CDH18: variants seen among roughly 807,000 people sequenced by gnomAD.
The protein encoded by CDH18 is cadherin 18, also known as cadherin-18.
Under a neutral mutation model 67.9 loss-of-function variants are expected in CDH18, and 31 were observed. That is an observed-to-expected ratio of 0.46 (90% CI 0.34 to 0.62). The LOEUF is 0.62. Ranked by LOEUF, CDH18 falls within the 20% of genes least tolerant of loss-of-function variation. CDH18 has a pLI of 0.01. For missense variants in CDH18, 890 were observed against 975.5 expected (o/e 0.91, Z 1.17); for synonymous variants, 362 against 347.2 (o/e 1.04, Z -0.48).
chr5:20,102,813 A>C (rs1198803718), intron 2 of CDH18, among the ~76,000 whole-genome samples: 2 of 152,112 alleles, frequency 1.3e-5, no homozygotes, highest in African/African-American at 4.8e-5. Context: ...AAATTCTTTA[A>C]TTTAGCTGAA....
At chr5:20,319,189 C>A (rs948083494) in intron 1 of CDH18, among the ~76,000 whole-genome samples, 2 of 152,134 alleles carry the variant, frequency 1.3e-5, no homozygotes, top group African/African-American at 4.8e-5. Context: ...CTAGAGATCC[C>A]CAATTATTTC....
intron 2 of CDH18, among the ~76,000 whole-genome samples, chr5:20,228,779 C>A (rs1025382482): frequency 2.0e-5 from 3 of 152,090 alleles, no homozygotes; most frequent in Admixed American, 1.3e-4. Flanking sequence ...TATGTTGCCA[C>A]AAATGACAGG....
chr5:20,454,928 A>G (rs1750732197), intron 1 of CDH18, among the ~76,000 whole-genome samples: 1 of 152,104 alleles, frequency 6.6e-6, no homozygotes, highest in African/African-American at 2.4e-5. Context: ...TGCTGAGGAC[A>G]TATGATGGTA....
intron 8 of CDH18, among the ~76,000 whole-genome samples, chr5:19,556,898 G>A (rs973486555): frequency 2.6e-5 from 4 of 152,072 alleles, no homozygotes; most frequent in Admixed American, 2.6e-4. Context: ...AAAAACACCA[G>A]GTAATCTATA....
chr5:19,630,489 T>C (rs1752269620), intron 5 of CDH18, among the ~76,000 whole-genome samples: 1 of 152,132 alleles, frequency 6.6e-6, no homozygotes. Flanking sequence ...TGTGTGTGTG[T>C]GTGTGTTGTT....
In CDH18 at chr5:19,811,194, A is replaced by AGAAG. The variant is rs150881407; in HGVS notation, c.228+27561_228+27564dup. Among the ~76,000 whole-genome samples the AGAAG allele has an allele frequency of 5.0e-4, 64 of 127,590 alleles. 1 individual carries two copies. Among genetic ancestry groups the AGAAG allele is most frequent in the Admixed American group, 1.0e-3 (13 of 12,858 alleles). 83.7% of individuals were successfully genotyped at this position (127,590 alleles called of 152,430 possible). A position where few individuals can be genotyped will look rare whatever the true frequency, so the allele number is the denominator to read the frequency against. ...AGAAAGAGAAGAAAGAGGGAGAGAA[A>AGAAG]GAAGGAAGGAAGGAAGGAAGGAAAG... is the stretch of plus-strand genomic sequence containing the variant. On this transcript the variant is annotated intron_variant, in intron 3 of 12. Transcript: ENST00000382275.
intron 2 of CDH18, among the ~76,000 whole-genome samples, chr5:20,105,784 T>C (rs902166268): frequency 6.6e-6 from 1 of 152,242 alleles, no homozygotes; most frequent in Non-Finnish European, 1.5e-5. Flanking sequence ...TTCCATTGTA[T>C]GCATATGCTA....
intron 5 of CDH18, among the ~76,000 whole-genome samples, chr5:19,668,435 G>A (rs528033901): frequency 6.6e-6 from 1 of 151,994 alleles, no homozygotes; most frequent in African/African-American, 2.4e-5. Context: ...AAGTTTCTCT[G>A]TTTTAGGGCA....
At chr5:19,670,903 C>T (rs1189609022) in intron 5 of CDH18, among the ~76,000 whole-genome samples, 1 of 152,002 alleles carries the variant, frequency 6.6e-6, no homozygotes, top group African/African-American at 2.4e-5. Context: ...AAGGAAAAGT[C>T]TAGAAGAATG....
intron 2 of CDH18, among the ~76,000 whole-genome samples, chr5:19,916,473 G>A (rs2150153062): frequency 6.6e-6 from 1 of 152,080 alleles, no homozygotes; most frequent in East Asian, 1.9e-4. Flanking sequence ...CACACCAAAA[G>A]CCAACTTCAT....
chr5:19,593,522 A>G (rs995425653), intron 6 of CDH18, among the ~76,000 whole-genome samples: 4 of 151,236 alleles, frequency 2.6e-5, no homozygotes, highest in Admixed American at 2.6e-4. Context: ...GTTATTGATC[A>G]TTTTTTTCCT....
intron 9 of CDH18, among the ~76,000 whole-genome samples, chr5:19,532,066 C>T (rs903302617): frequency 6.6e-6 from 1 of 152,134 alleles, no homozygotes; most frequent in Non-Finnish European, 1.5e-5. Flanking sequence ...GGTAATTTTA[C>T]TATGTAAATT....
At chr5:19,856,712 A>AT (rs1784322926) in intron 2 of CDH18, among the ~76,000 whole-genome samples, 2 of 151,130 alleles carry the variant, frequency 1.3e-5, no homozygotes, top group Non-Finnish European at 3.0e-5. Flanking sequence ...AGCAAAAAAA[A>AT]AAATAAAAAT....
chr5:19,678,747 C>A lies in CDH18; in HGVS notation c.643+42600G>T, dbSNP rs912166643. On this transcript the variant is annotated intron_variant, in intron 5 of 12. Transcript: ENST00000382275. ...AAACCTACAACCTCCCAAGACTCGA[C>A]CAGGAAGAAATTAAATCCCTGACCA... Among the ~76,000 whole-genome samples the A allele has an allele frequency of 6.6e-5, 10 of 151,820 alleles. No homozygotes were observed. The Admixed American group carries it at 6.6e-4, about 10-fold the overall frequency.
intron 2 of CDH18, among the ~76,000 whole-genome samples, chr5:20,051,327 T>A (rs550547743): frequency 5.1e-4 from 77 of 152,072 alleles, no homozygotes; most frequent in Non-Finnish European, 8.7e-4. Context: ...TGGATGTTCT[T>A]CAATGTAATT....
At chr5:19,771,832 C>T (rs984463604) in intron 3 of CDH18, among the ~76,000 whole-genome samples, 1 of 152,114 alleles carries the variant, frequency 6.6e-6, no homozygotes, top group African/African-American at 2.4e-5. Flanking sequence ...AGGCAGTTGT[C>T]AGGGGCAGGA....
chr5:20,237,363 A>T (rs1438835462), intron 2 of CDH18, among the ~76,000 whole-genome samples: 1 of 151,968 alleles, frequency 6.6e-6, no homozygotes, highest in East Asian at 1.9e-4. Flanking sequence ...GGGCAACCAA[A>T]TTAGAAAAGA....
At chr5:19,648,375 A>T (rs1473135522) in intron 5 of CDH18, among the ~76,000 whole-genome samples, 1 of 152,162 alleles carries the variant, frequency 6.6e-6, no homozygotes, top group Non-Finnish European at 1.5e-5. Flanking sequence ...AGATCATGCC[A>T]CTGCACTCCA....
intron 1 of CDH18, among the ~76,000 whole-genome samples, chr5:20,535,370 C>G (rs1273639637): frequency 4.6e-5 from 7 of 152,030 alleles, no homozygotes; most frequent in Non-Finnish European, 7.4e-5. Context: ...CCATTTTTCC[C>G]TCTGTTGCCC....
Sources: gnomAD v4.1 joint callset for allele counts (sites outside exome capture counted in the v4.1 genomes callset) on GRCh38, gnomAD v4.1.1 for gene constraint, MANE v1.5 for transcripts, NCBI Gene and HGNC (gene_info 2026-07-23, HGNC 2026-07-21) for gene names.